The following EXD3 variants were observed in gnomAD, a reference collection of about 807,000 sequenced individuals.
EXD3 encodes exonuclease 3'-5' domain containing 3, also known as exonuclease mut-7 homolog.
In EXD3, 92 loss-of-function variants were observed where a neutral mutation model predicts 98.0. That is an observed-to-expected ratio of 0.94 (90% CI 0.79 to 1.12). The LOEUF (loss-of-function observed/expected upper bound fraction) is 1.12. Ranked by LOEUF, EXD3 falls within the 50% of genes most tolerant of loss-of-function variation. EXD3 has a pLI of 0.00. For missense variants in EXD3, 1,222 were observed against 1,191.6 expected, an observed-to-expected ratio of 1.03 and a Z score of -0.38; for synonymous variants, 569 against 526.0, an observed-to-expected ratio of 1.08 and a Z score of -1.12.
At chr9:137,364,580 C>T (rs11507682) in intron 7 of EXD3, among the ~76,000 whole-genome samples, 97,607 of 151,130 alleles carry the variant, frequency 0.65, 32,262 homozygotes, top group East Asian at 0.85. Flanking sequence ...CTAGATTGCG[C>T]CACTGCACTC....
intron 17 of EXD3, among the ~76,000 whole-genome samples, chr9:137,335,267 A>G (rs1682988056): frequency 6.6e-6 from 1 of 152,180 alleles, no homozygotes; most frequent in Non-Finnish European, 1.5e-5. Flanking sequence ...ATTTCTCAAA[A>G]GAAGATATAC....
rs560934779 is a variant in EXD3, at chr9:137,346,319, A to G, written c.1998+1752T>C. Reference sequence around the variant, plus strand: ...AGGGAATAAATGTTATTAAAAAACTATATGGGTAAGATTACCCATAACTAG... The same window carrying G: ...AGGGAATAAATGTTATTAAAAAACTGTATGGGTAAGATTACCCATAACTAG... On this transcript the variant is annotated intron_variant, in intron 17 of 21. Coordinates refer to ENST00000340951, the MANE Select transcript of EXD3 (RefSeq NM_017820.5). Among the ~76,000 whole-genome samples, 15 of 151,360 alleles carry G rather than the reference A, an allele frequency of 9.9e-5. No individual in the cohort carries two copies. The East Asian group carries it at 2.5e-3, about 25-fold the overall frequency.
At chr9:137,389,523 C>G (rs948284753) in intron 2 of EXD3, among the ~76,000 whole-genome samples, 2 of 152,142 alleles carry the variant, frequency 1.3e-5, no homozygotes, top group Non-Finnish European at 2.9e-5. Context: ...GGGGGAGAGC[C>G]CACCGTTCGA....
intron 19 of EXD3, among the ~76,000 whole-genome samples, chr9:137,318,535 TC>T (rs1384340063): frequency 2.0e-5 from 3 of 152,136 alleles, no homozygotes; most frequent in Non-Finnish European, 4.4e-5. Context: ...TGTCAGGGGT[TC>T]ATGGTAAGGG....
At position 137,356,194 on chromosome 9, in the gene EXD3, C is replaced by T. The variant is rs377502497; in HGVS notation, c.757+74G>A. On this transcript the variant is annotated intron_variant, in intron 8 of 21. Coordinates refer to ENST00000340951, the MANE Select transcript of EXD3 (RefSeq NM_017820.5). ...CACCTGAACAACGGGCAGCCCCAGT[C>T]ACAGAGGATGTCCCTGGCCACGCTT... The T allele has an allele frequency of 1.3e-5, 15 of 1,146,304 alleles. No individual in the cohort carries two copies. The East Asian group carries it at 3.1e-4, about 24-fold the overall frequency. 71.0% of individuals were successfully genotyped at this position (1,146,304 alleles called of 1,614,324 possible).
rs1419936440 is a variant in EXD3 at position 137,339,649 on chromosome 9, G to A, written c.1998+8422C>T. 4.6e-5 allele frequency among the ~76,000 whole-genome samples: 7 copies of A among 152,094 alleles called. No homozygotes were observed. In the South Asian group the frequency reaches 6.2e-4, roughly 13 times the overall value. On this transcript the variant is annotated intron_variant, in intron 17 of 21. Transcript: ENST00000340951. The stretch of plus-strand genomic sequence containing the variant: ...TCATTCATCACATTTACAGATTAAA[G>A]GAAAAATAACCTTATGAGTATCTGA...
At chr9:137,319,784 C>G (rs1831927727) in intron 19 of EXD3, among the ~76,000 whole-genome samples, 1 of 152,196 alleles carries the variant, frequency 6.6e-6, no homozygotes. Context: ...GACATCTCAG[C>G]TTCTCATAGA....
intron 7 of EXD3, 29 bp from the exon 8 acceptor site, chr9:137,356,397 T>TC: frequency 4.3e-6 from 6 of 1,404,672 alleles, no homozygotes; most frequent in Non-Finnish European, 6.0e-6. Context: ...ACAGCCTCTG[T>TC]TGCTGTTTTA....
intron 1 of EXD3, among the ~76,000 whole-genome samples, chr9:137,420,658 C>G (rs1038796711): frequency 6.6e-6 from 1 of 151,560 alleles, no homozygotes; most frequent in Non-Finnish European, 1.5e-5. Context: ...GGTTCTTGGC[C>G]TTGAGGTAAG....
Position 137,393,956 on chromosome 9 carries a change from T to C in EXD3, c.55+1347A>G, listed in dbSNP as rs1201322394. On this transcript the variant is annotated intron_variant, in intron 2 of 21. Coordinates refer to ENST00000340951, the MANE Select transcript of EXD3 (RefSeq NM_017820.5). The surrounding 1 kb of genome is among the most constrained non-coding windows in gnomAD (Gnocchi z 4.6). ...ATGTGAAGGGGCCCCGGCACCCCCTTCTCACCCTCTGCCCACAAAGCCATG... is the reference window on the plus strand; with the variant it reads ...ATGTGAAGGGGCCCCGGCACCCCCTCCTCACCCTCTGCCCACAAAGCCATG... Among the ~76,000 whole-genome samples the C allele has an allele frequency of 6.6e-6, 1 of 152,078 alleles. No homozygotes were observed. Among genetic ancestry groups the C allele is most frequent in the Non-Finnish European group, 1.5e-5 (1 of 67,982 alleles).
intron 3 of EXD3, among the ~76,000 whole-genome samples, chr9:137,381,983 A>AGAGGAGGTGAGGACGCGGG (rs1368480522): frequency 6.0e-5 from 6 of 100,152 alleles, no homozygotes; most frequent in South Asian, 3.1e-4. Context: ...GGGAGCACGC[A>AGAGGAGGTGAGGACGCGGG]GAGGAGGTGA....
At chr9:137,339,269 G>A (rs1833529280) in intron 17 of EXD3, among the ~76,000 whole-genome samples, 1 of 151,988 alleles carries the variant, frequency 6.6e-6, no homozygotes. Flanking sequence ...GCAGAAAAAA[G>A]AGGGAAAACT....
At position 137,352,159 on chromosome 9, in the gene EXD3, C is replaced by T. The variant is rs1315891545; in HGVS notation, c.1080G>A (p.Lys360=). ...GGATGGGCAGCTGGTAGTAACGGTC[C>T]TTCATGTCCTTCACCTCCAGCCTCG... is the stretch of plus-strand genomic sequence containing the variant. ...ADSRLEVKDM[K]DRYYQLPIPR... Residue 360 remains lysine (K), a synonymous_variant, in exon 12 of 22, where the codon AAG becomes AAA. Coordinates refer to ENST00000340951, the MANE Select transcript of EXD3 (RefSeq NM_017820.5). 1.9e-6 allele frequency: 3 copies of T among 1,612,882 alleles called. No homozygotes were observed. The highest frequency in any genetic ancestry group is 2.2e-5 in the East Asian group (1 of 44,886).
intron 1 of EXD3, among the ~76,000 whole-genome samples, chr9:137,415,897 C>T (rs986205052): frequency 6.6e-6 from 1 of 152,222 alleles, no homozygotes; most frequent in Non-Finnish European, 1.5e-5. Flanking sequence ...TCACGCTGCA[C>T]GGTGCAAGGT....
At chr9:137,406,619 A>G (rs1276164912) in intron 1 of EXD3, among the ~76,000 whole-genome samples, 1 of 152,194 alleles carries the variant, frequency 6.6e-6, no homozygotes, top group African/African-American at 2.4e-5. Context: ...CGGCAGCGGC[A>G]TTAGTGGCGC....
chr9:137,354,740 A>T lies in EXD3; in HGVS notation c.791T>A (p.Leu264Gln). The T allele has an allele frequency of 6.2e-7, 1 of 1,610,894 alleles. No individual in the cohort carries two copies. The highest frequency in any genetic ancestry group is 8.5e-7 in the Non-Finnish European group (1 of 1,179,650). The change falls in exon 9 of 22, where the codon CTG (leucine) becomes CAG (glutamine). Residue 264 changes from leucine (L) to glutamine (Q), a missense_variant. By Grantham distance (113) the Leu-to-Gln change is moderately radical. Coordinates refer to ENST00000340951, the MANE Select transcript of EXD3 (RefSeq NM_017820.5). ...GTGGCACAGGTGCCGCAGGGCCGCC[A>T]GGCGCTGCTGAATGGCCGCGTTGGG... ...LCPNAAIQQR[L>Q]AALRHLCHKR...
chr9:137,341,914 A>G (rs78286147), intron 17 of EXD3, among the ~76,000 whole-genome samples: 3 of 20,448 alleles, frequency 1.5e-4, no homozygotes, highest in African/African-American at 3.5e-4. Context: ...CAGAGGAAAC[A>G]GGGCTCAGGC....
intron 19 of EXD3, among the ~76,000 whole-genome samples, chr9:137,317,266 C>A (rs747293536): frequency 2.0e-4 from 30 of 152,118 alleles, no homozygotes; most frequent in African/African-American, 7.0e-4. Flanking sequence ...GACACAGACC[C>A]TACCTTGTCA....
intron 17 of EXD3, among the ~76,000 whole-genome samples, chr9:137,342,676 G>T (rs1833708639): frequency 6.6e-6 from 1 of 152,198 alleles, no homozygotes. Context: ...ATTAGGGAAG[G>T]TTTATATCAG....
Sources: gnomAD v4.1 joint callset for allele counts (sites outside exome capture counted in the v4.1 genomes callset) on GRCh38, gnomAD v4.1.1 for gene constraint, Gnocchi (gnomAD v3.1) non-coding constraint, MANE v1.5 for transcripts, NCBI Gene and HGNC (gene_info 2026-07-23, HGNC 2026-07-21) for gene names.